SGCD: variants seen among roughly 807,000 people sequenced by gnomAD.
SGCD encodes the protein delta-sarcoglycan.
In SGCD, 18 loss-of-function variants were observed where a neutral mutation model predicts 36.6. The observed-to-expected ratio is 0.49, with a 90% CI of 0.34 to 0.73. The LOEUF (loss-of-function observed/expected upper bound fraction) is 0.73. SGCD is among the 30% of genes least tolerant of loss of function. SGCD has a pLI of 0.01. For synonymous variants in SGCD, 133 were observed against 130.6 expected (o/e 1.02, Z -0.12); for missense variants, 387 against 346.7 (o/e 1.12, Z -0.92).
At chr5:156,408,123 A>G (rs2127767456) in intron 3 of SGCD, among the ~76,000 whole-genome samples, 1 of 152,332 alleles carries the variant, frequency 6.6e-6, no homozygotes, top group South Asian at 2.1e-4. Flanking sequence ...AAATCATACC[A>G]CATTCTACCA....
At chr5:156,336,012 T>C (rs1768333741) in intron 2 of SGCD, among the ~76,000 whole-genome samples, 2 of 152,206 alleles carry the variant, frequency 1.3e-5, no homozygotes, top group African/African-American at 4.8e-5. Context: ...CCCATTTCCA[T>C]GCCTAGGTTC....
At chr5:155,761,536 T>A in the SGCD span, among the ~76,000 whole-genome samples, 30 of 126,140 alleles carry the variant, frequency 2.4e-4, no homozygotes, top group Non-Finnish European at 1.8e-4. Flanking sequence ...TCTGTCACCA[T>A]CTCCATCATC....
chr5:156,405,951 G>A (rs747918868), intron 3 of SGCD, among the ~76,000 whole-genome samples: 5 of 142,798 alleles, frequency 3.5e-5, no homozygotes, highest in African/African-American at 5.3e-5. Context: ...TGATCAACAC[G>A]CCTCTTGGAT....
At chr5:156,498,539 T>C (rs1488674689) in intron 3 of SGCD, among the ~76,000 whole-genome samples, 2 of 152,224 alleles carry the variant, frequency 1.3e-5, no homozygotes, top group Non-Finnish European at 2.9e-5. Context: ...CTTTTATGTC[T>C]GTCTGCTTTC....
intron 1 of SGCD, among the ~76,000 whole-genome samples, chr5:155,932,643 T>C (rs1757121060): frequency 6.6e-6 from 1 of 152,190 alleles, no homozygotes; most frequent in South Asian, 2.1e-4. Context: ...GGACCCTTCA[T>C]TGGACCAAAA....
At chr5:156,450,829 A>G (rs1026862441) in intron 3 of SGCD, among the ~76,000 whole-genome samples, 1 of 152,162 alleles carries the variant, frequency 6.6e-6, no homozygotes, top group Non-Finnish European at 1.5e-5. Flanking sequence ...ATGTATGTGC[A>G]TGTATGCGTA....
intron 1 of SGCD, among the ~76,000 whole-genome samples, chr5:156,106,814 G>C (rs1246952691): frequency 6.6e-6 from 1 of 152,128 alleles, no homozygotes; most frequent in Non-Finnish European, 1.5e-5. Flanking sequence ...GTGATGTTGA[G>C]TATATGAAAT....
Position 156,632,118 on chromosome 5 carries a change from C to T in SGCD, c.503-15346C>T, listed in dbSNP as rs183871973. 2.4e-3 allele frequency among the ~76,000 whole-genome samples: 363 copies of T among 152,274 alleles called. 3 individuals carry two copies. Among genetic ancestry groups the T allele is most frequent in the African/African-American group, 7.6e-3 (314 of 41,560 alleles). On this transcript the variant is annotated intron_variant, in intron 6 of 8. Transcript: ENST00000337851. ...AGGTTTCCTTTAGGCAGTTCTTCAG[C>T]AGACATTATCTCAGAAGGAGAGACA...
chr5:155,753,024 T>A, the SGCD span, among the ~76,000 whole-genome samples: 1 of 152,186 alleles, frequency 6.6e-6, no homozygotes, highest in South Asian at 2.1e-4. Flanking sequence ...GCTCAGGATG[T>A]GGTTGCTCTG....
In SGCD at chr5:156,734,470, A is replaced by G. The variant is rs1756244263; in HGVS notation, c.576-23111A>G. ...GTTCTCATGGATGATATCCTGGAAC[A>G]TGTTTTCTAAATTGGCTCCATTCTC... On this transcript the variant is annotated intron_variant, in intron 7 of 8. Transcript: ENST00000337851. Among the ~76,000 whole-genome samples, 3 of 152,126 alleles carry G rather than the reference A, an allele frequency of 2.0e-5. No individual in the cohort carries two copies. The South Asian group carries it at 6.2e-4, about 32-fold the overall frequency.
At chr5:155,731,281 A>AG in the SGCD span, among the ~76,000 whole-genome samples, 1 of 151,812 alleles carries the variant, frequency 6.6e-6, no homozygotes, top group Admixed American at 6.6e-5. Context: ...AAGGGATGGA[A>AG]GGGAAAATAA....
intron 3 of SGCD, among the ~76,000 whole-genome samples, chr5:156,139,677 C>T (rs1762530610): frequency 6.6e-6 from 1 of 152,148 alleles, no homozygotes; most frequent in Non-Finnish European, 1.5e-5. Flanking sequence ...CCTCTATGTC[C>T]TAACCACAGG....
intron 1 of SGCD, among the ~76,000 whole-genome samples, chr5:156,114,374 C>T (rs538592289): frequency 1.3e-5 from 2 of 152,214 alleles, no homozygotes; most frequent in South Asian, 4.1e-4. Flanking sequence ...GGTACCCTCA[C>T]GCAAGCCACA....
At chr5:155,741,138 G>T in the SGCD span, among the ~76,000 whole-genome samples, 57 of 152,316 alleles carry the variant, frequency 3.7e-4, 1 homozygote, top group East Asian at 0.011. Context: ...GGTTGAAAGG[G>T]TTCATCTCTG....
the SGCD span, among the ~76,000 whole-genome samples, chr5:155,730,228 G>A: frequency 6.6e-6 from 1 of 152,172 alleles, no homozygotes; most frequent in African/African-American, 2.4e-5. Flanking sequence ...GTGACTTCAG[G>A]TGTGCCAAGT....
At chr5:156,739,754 C>T (rs537306598) in intron 7 of SGCD, 1 of 152,206 alleles carries the variant, frequency 6.6e-6, no homozygotes, top group South Asian at 2.1e-4. Context: ...ATTACGAAAA[C>T]ATACTAGTGA....
chr5:156,008,028 T>C (rs1319396880), intron 1 of SGCD, among the ~76,000 whole-genome samples: 1 of 152,196 alleles, frequency 6.6e-6, no homozygotes, highest in East Asian at 1.9e-4. Flanking sequence ...CTTTTTTTTC[T>C]CCATAGTGAT....
Position 156,082,302 on chromosome 5 carries a change from G to A in SGCD, c.-281-35576G>A, listed in dbSNP as rs1312239987. On this transcript the variant is annotated intron_variant, in intron 1 of 9. Transcript: ENST00000517913. ...GTCCAGGGGGTGGGGGTAGTGGTGG[G>A]GAAGTCAGAGAAACCTTGAGACTTC... Among the ~76,000 whole-genome samples, 6 of 151,504 alleles carry A rather than the reference G, an allele frequency of 4.0e-5. No individual in the cohort carries two copies. In the South Asian group the frequency reaches 1.0e-3, roughly 26 times the overall value.
chr5:156,696,207 A>C (rs1325149521), intron 7 of SGCD, among the ~76,000 whole-genome samples: 1 of 152,150 alleles, frequency 6.6e-6, no homozygotes, highest in African/African-American at 2.4e-5. Flanking sequence ...ATTGAGACTT[A>C]GTTTCCAACT....
Sources: gnomAD v4.1 joint callset for allele counts (sites outside exome capture counted in the v4.1 genomes callset) on GRCh38, gnomAD v4.1.1 for gene constraint, MANE v1.5 for transcripts, NCBI Gene and HGNC (gene_info 2026-07-23, HGNC 2026-07-21) for gene names.